ALK: variants seen among roughly 807,000 people sequenced by gnomAD.
The protein encoded by ALK is ALK tyrosine kinase receptor.
A neutral mutation model predicts 163.1 loss-of-function variants in ALK; 74 were observed. The observed-to-expected ratio is 0.45, with a 90% CI of 0.38 to 0.55. The LOEUF is 0.55. Among genes scored for constraint, ALK ranks in the 20% least tolerant of loss-of-function variants. The pLI is 0.00. For missense variants in ALK, 2,063 were observed against 2,105.3 expected (o/e 0.98, Z 0.39); for synonymous variants, 960 against 843.2 (o/e 1.14, Z -2.40).
chr2:29,328,092 G>A (rs1364100066), intron 6 of ALK, among the ~76,000 whole-genome samples: 1 of 152,196 alleles, frequency 6.6e-6, no homozygotes. Flanking sequence ...CATTTTCTCT[G>A]TGCCTTGAGG....
intron 1 of ALK, among the ~76,000 whole-genome samples, chr2:29,827,954 G>A (rs1665247386): frequency 6.6e-6 from 1 of 152,138 alleles, no homozygotes; most frequent in East Asian, 1.9e-4. Context: ...GCACGGTACT[G>A]GTACCAAAAC....
chr2:29,429,613 A>G (rs1670226163), intron 4 of ALK, among the ~76,000 whole-genome samples: 1 of 152,080 alleles, frequency 6.6e-6, no homozygotes, highest in Non-Finnish European at 1.5e-5. Flanking sequence ...CATCCCAGAC[A>G]TGGAGCAGAA....
At chr2:29,642,570 G>A (rs890925507) in intron 3 of ALK, among the ~76,000 whole-genome samples, 9 of 151,946 alleles carry the variant, frequency 5.9e-5, no homozygotes, top group Non-Finnish European at 7.4e-5. Context: ...AATCTGGGTC[G>A]GCATAAATTT....
chr2:29,332,145 G>C (rs536146544), intron 5 of ALK, among the ~76,000 whole-genome samples: 2 of 151,536 alleles, frequency 1.3e-5, no homozygotes, highest in African/African-American at 2.4e-5. Context: ...AATTAGCCGG[G>C]TGTGATGGCA....
chr2:29,339,199 C>T (rs10209554), intron 5 of ALK, among the ~76,000 whole-genome samples: 33,909 of 151,296 alleles, frequency 0.22, 4,082 homozygotes, highest in African/African-American at 0.3. Flanking sequence ...ACTCAGATCA[C>T]GCCACTGCAC....
intron 8 of ALK, among the ~76,000 whole-genome samples, chr2:29,308,579 G>A (rs1666597897): frequency 6.6e-6 from 1 of 152,218 alleles, no homozygotes; most frequent in South Asian, 2.1e-4. Flanking sequence ...TCTGTGGAAT[G>A]CGGTGGGACC....
At chr2:29,566,831 G>A (rs999505441) in intron 3 of ALK, among the ~76,000 whole-genome samples, 2 of 152,052 alleles carry the variant, frequency 1.3e-5, no homozygotes, top group African/African-American at 2.4e-5. Flanking sequence ...TGACCTGGGA[G>A]ATGATCATCA....
In ALK at chr2:29,239,685, G is replaced by C; in HGVS notation, c.2350C>G (p.Pro784Ala). ...LVGQQGEDAC[P>A]STNQLIQKVC... is the part of the protein sequence containing the mutation. ...CCCCTGCTCTGGGCACTTACACTGG[G>C]GCAGGCGTCCTCTCCCTGCTGCCCA... is the stretch of plus-strand genomic sequence containing the variant. The change falls in exon 13 of 29, where the codon CCC (proline) becomes GCC (alanine). Residue 784 changes from proline (P) to alanine (A), a missense_variant. Pro to Ala is a conservative substitution (Grantham distance 27). Coordinates refer to ENST00000389048, the MANE Select transcript of ALK (RefSeq NM_004304.5). 6.2e-7 allele frequency: 1 copy of C among 1,613,806 alleles called. No individual in the cohort carries two copies. Among genetic ancestry groups the C allele is most frequent in the African/African-American group, 1.3e-5 (1 of 75,040 alleles).
chr2:29,651,566 T>C (rs567605061), intron 3 of ALK, among the ~76,000 whole-genome samples: 35 of 152,316 alleles, frequency 2.3e-4, no homozygotes, highest in Middle Eastern at 3.4e-3. Context: ...CTCAGAGATA[T>C]TTATGTTTTT....
chr2:29,496,528 T>C (rs1265438137), intron 4 of ALK, among the ~76,000 whole-genome samples: 2 of 152,330 alleles, frequency 1.3e-5, no homozygotes, highest in East Asian at 3.9e-4. Flanking sequence ...GCTGGCTTTG[T>C]TAAACTTAGT....
chr2:29,813,375 C>A (rs190422920), intron 1 of ALK, among the ~76,000 whole-genome samples: 1 of 152,182 alleles, frequency 6.6e-6, no homozygotes, highest in Admixed American at 6.5e-5. Flanking sequence ...ATGTCACAAG[C>A]TAGAATCTCT....
chr2:29,616,450 A>C (rs2148225433), intron 3 of ALK, among the ~76,000 whole-genome samples: 1 of 152,298 alleles, frequency 6.6e-6, no homozygotes, highest in African/African-American at 2.4e-5. Context: ...TGGCAAGAGG[A>C]AGGAAGATTT....
At chr2:29,852,233 T>G (rs1572437238) in intron 1 of ALK, among the ~76,000 whole-genome samples, 1 of 152,286 alleles carries the variant, frequency 6.6e-6, no homozygotes, top group South Asian at 2.1e-4. Flanking sequence ...AGCTTGCAAC[T>G]TCTTACATTT....
At chr2:29,471,095 G>A (rs1226474714) in intron 4 of ALK, among the ~76,000 whole-genome samples, 1 of 152,116 alleles carries the variant, frequency 6.6e-6, no homozygotes, top group African/African-American at 2.4e-5. Flanking sequence ...AGGATACACA[G>A]TTAACAGGAT....
chr2:29,683,899 A>G (rs1028772935), intron 3 of ALK, among the ~76,000 whole-genome samples: 7 of 152,268 alleles, frequency 4.6e-5, no homozygotes, highest in Admixed American at 2.0e-4. Context: ...TCTCTTGTGC[A>G]TTATTTTGAT....
At chr2:29,340,622 A>G (rs1269569062) in intron 5 of ALK, among the ~76,000 whole-genome samples, 1 of 152,206 alleles carries the variant, frequency 6.6e-6, no homozygotes, top group Non-Finnish European at 1.5e-5. Flanking sequence ...TTGAGTGCTT[A>G]CAATGTTCTA....
intron 1 of ALK, among the ~76,000 whole-genome samples, chr2:29,789,260 A>T (rs940090136): frequency 2.6e-5 from 4 of 152,198 alleles, no homozygotes; most frequent in African/African-American, 9.6e-5. Context: ...GAGAATCTCC[A>T]GTGCTCCCTA....
chr2:29,887,702 C>T (rs1327839665), intron 1 of ALK, among the ~76,000 whole-genome samples: 1 of 152,128 alleles, frequency 6.6e-6, no homozygotes, highest in Non-Finnish European at 1.5e-5. Context: ...CCAGTATGGA[C>T]ATTTTAAAAG....
rs112236708 is a variant in ALK, at chr2:29,342,608, T to C, written c.1283-14127A>G. Among the ~76,000 whole-genome samples, 97 of 152,322 alleles carry C rather than the reference T, an allele frequency of 6.4e-4. No homozygotes were observed. The East Asian group carries it at 0.018, about 28-fold the overall frequency. On this transcript the variant is annotated intron_variant, in intron 5 of 28. Transcript: ENST00000389048. ...ATTTTATGTTATATTTTAGAGCAAT[T>C]TGAAAGATGACTGATTATCCTGGCC...
Sources: allele counts gnomAD v4.1 joint callset (sites outside exome capture counted in the v4.1 genomes callset), GRCh38; gene constraint gnomAD v4.1.1; transcripts MANE v1.5; gene names NCBI Gene and HGNC (gene_info 2026-07-23, HGNC 2026-07-21).